The following PCDH15 variants were observed in gnomAD, a reference collection of about 807,000 sequenced individuals.
PCDH15 encodes the protein protocadherin related 15, also known as protocadherin-15.
Under a neutral mutation model 178.5 loss-of-function variants are expected in PCDH15, and 129 were observed. That is an observed-to-expected ratio of 0.72 (90% CI 0.63 to 0.84). The LOEUF (loss-of-function observed/expected upper bound fraction) is 0.84, where lower values mean the gene tolerates loss of function less well. PCDH15 is among the 40% of genes least tolerant of loss of function. The pLI is 0.00. For synonymous variants in PCDH15, 800 were observed against 732.0 expected (o/e 1.09, Z -1.50); for missense variants, 2,230 against 2,099.9 (o/e 1.06, Z -1.21).
At chr10:54,760,862 C>G (rs1057202732) in intron 1 of PCDH15, among the ~76,000 whole-genome samples, 3 of 152,050 alleles carry the variant, frequency 2.0e-5, no homozygotes, top group African/African-American at 7.3e-5. Flanking sequence ...TATCTGAGTT[C>G]AAATTTATGC....
intron 2 of PCDH15, among the ~76,000 whole-genome samples, chr10:54,557,925 G>C (rs1276593881): frequency 1.3e-5 from 2 of 152,022 alleles, no homozygotes; most frequent in Non-Finnish European, 2.9e-5. Flanking sequence ...ACTTCTGTTA[G>C]TATCTGTCTG....
At position 54,170,323 on chromosome 10, in the gene PCDH15, A is replaced by G. The variant is rs544223034; in HGVS notation, c.1590+13121T>C. On this transcript the variant is annotated intron_variant, in intron 13 of 37. Transcript: ENST00000644397. ...TTAGTGTGGTCAGAATTCTTACACAAGAGCCAGGACCACACCCTGTAGCCT... is the reference window on the plus strand; with the variant it reads ...TTAGTGTGGTCAGAATTCTTACACAGGAGCCAGGACCACACCCTGTAGCCT... Among the ~76,000 whole-genome samples, 184 of 152,182 alleles carry G rather than the reference A, an allele frequency of 1.2e-3. No individual in the cohort carries two copies. In the Middle Eastern group the frequency reaches 0.014, roughly 11 times the overall value.
At chr10:54,697,674 G>GGGAAGAGA (rs2095252001) in intron 1 of PCDH15, among the ~76,000 whole-genome samples, 1 of 123,290 alleles carries the variant, frequency 8.1e-6, no homozygotes, top group African/African-American at 3.3e-5. Flanking sequence ...AAGGGGGAAG[G>GGGAAGAGA]GGAAGGGAGG....
At chr10:55,386,423 C>T (rs1481785098) in intron 2 of PCDH15, among the ~76,000 whole-genome samples, 1 of 150,188 alleles carries the variant, frequency 6.7e-6, no homozygotes, top group East Asian at 2.0e-4. Context: ...AAGCATTTCA[C>T]AAAAAAAAAT....
At chr10:54,776,541 T>A (rs1032071271) in intron 1 of PCDH15, among the ~76,000 whole-genome samples, 1 of 152,192 alleles carries the variant, frequency 6.6e-6, no homozygotes, top group Admixed American at 6.5e-5. Flanking sequence ...CTGTATTTTA[T>A]AAAATGTCTT....
exon 2 of PCDH15, chr10:55,627,637 G>A (rs1229770791): frequency 6.6e-6 from 1 of 152,230 alleles, no homozygotes; most frequent in African/African-American, 2.4e-5. Flanking sequence ...CCAGGCTCCA[G>A]TAAGCAACCG....
intron 3 of PCDH15, among the ~76,000 whole-genome samples, chr10:54,499,574 T>C (rs2080454870): frequency 6.6e-6 from 1 of 152,082 alleles, no homozygotes; most frequent in Non-Finnish European, 1.5e-5. Flanking sequence ...GAATGACCTT[T>C]GAATAAACAA....
intron 14 of PCDH15, among the ~76,000 whole-genome samples, chr10:54,151,282 A>G (rs986357907): frequency 1.3e-5 from 2 of 152,130 alleles, no homozygotes; most frequent in African/African-American, 2.4e-5. Flanking sequence ...GGCTGATGCC[A>G]GTAATCCCAG....
intron 5 of PCDH15, among the ~76,000 whole-genome samples, chr10:54,353,110 T>C (rs1031188906): frequency 6.6e-6 from 1 of 152,174 alleles, no homozygotes; most frequent in Non-Finnish European, 1.5e-5. Context: ...TCTACGATTA[T>C]TTATTGAGAA....
chr10:54,357,414 C>G (rs577950890), intron 5 of PCDH15, among the ~76,000 whole-genome samples: 1 of 152,016 alleles, frequency 6.6e-6, no homozygotes, highest in Admixed American at 6.6e-5. Context: ...CCATTCACAA[C>G]TGCTTCAAAG....
intron 2 of PCDH15, among the ~76,000 whole-genome samples, chr10:55,129,354 A>G (rs1837984817): frequency 6.6e-6 from 1 of 152,130 alleles, no homozygotes; most frequent in African/African-American, 2.4e-5. Context: ...TCCCAATGCC[A>G]GAGAAGAACT....
intron 2 of PCDH15, among the ~76,000 whole-genome samples, chr10:54,590,184 G>A (rs2133922819): frequency 6.6e-6 from 1 of 152,102 alleles, no homozygotes; most frequent in South Asian, 2.1e-4. Context: ...TTTTATCTAT[G>A]TTGTTTTGCA....
intron 3 of PCDH15, among the ~76,000 whole-genome samples, chr10:54,512,097 G>A (rs564564514): frequency 7.9e-5 from 12 of 152,032 alleles, no homozygotes; most frequent in African/African-American, 1.2e-4. Flanking sequence ...TTTCTTAAGA[G>A]AAAATTCAAA....
intron 1 of PCDH15, among the ~76,000 whole-genome samples, chr10:55,243,633 T>C (rs1322282353): frequency 6.6e-6 from 1 of 152,206 alleles, no homozygotes; most frequent in East Asian, 1.9e-4. Context: ...TTGTGTTCTG[T>C]GACTAGCACA....
At chr10:54,078,968 T>G (rs563657079) in intron 17 of PCDH15, among the ~76,000 whole-genome samples, 1 of 152,152 alleles carries the variant, frequency 6.6e-6, no homozygotes, top group Non-Finnish European at 1.5e-5. Context: ...CTTAAAAAAA[T>G]GACGCTAAGT....
At chr10:53,923,407 G>T (rs2084182639) in intron 25 of PCDH15, among the ~76,000 whole-genome samples, 1 of 152,308 alleles carries the variant, frequency 6.6e-6, no homozygotes, top group East Asian at 1.9e-4. Context: ...TCTGAATAAT[G>T]ATTAAAAAGA....
At chr10:54,199,808 A>G (rs1325488920) in intron 10 of PCDH15, among the ~76,000 whole-genome samples, 1 of 152,126 alleles carries the variant, frequency 6.6e-6, no homozygotes, top group Non-Finnish European at 1.5e-5. Context: ...CCTTATTTAT[A>G]TTTACAGAGT....
At chr10:54,715,385 C>T (rs67483175) in intron 1 of PCDH15, among the ~76,000 whole-genome samples, 18,550 of 152,054 alleles carry the variant, frequency 0.12, 1,265 homozygotes, top group African/African-American at 0.17. Context: ...CAGAAACAGT[C>T]AAAATGGCGG....
chr10:54,525,933 T>A (rs2083318090), intron 3 of PCDH15, among the ~76,000 whole-genome samples: 1 of 152,188 alleles, frequency 6.6e-6, no homozygotes, highest in Non-Finnish European at 1.5e-5. Context: ...AAAAGAGAAA[T>A]GCAAAACATT....
Sources: gnomAD v4.1 joint callset for allele counts (sites outside exome capture counted in the v4.1 genomes callset) on GRCh38, gnomAD v4.1.1 for gene constraint, MANE v1.5 for transcripts, NCBI Gene and HGNC (gene_info 2026-07-23, HGNC 2026-07-21) for gene names.